Variants in PLXNA4 observed in about 807,000 individuals in gnomAD.
PLXNA4 encodes plexin-A4.
In PLXNA4, 44 loss-of-function variants were observed where a neutral mutation model predicts 191.8. The ratio of observed to expected loss-of-function variants is 0.23; its 90% CI spans 0.18 to 0.29. PLXNA4 has a LOEUF of 0.29. Ranked by LOEUF, PLXNA4 falls within the 10% of genes least tolerant of loss-of-function variation. The probability of loss-of-function intolerance (pLI) is 1.00; values close to 1 mark genes in which losing one functional copy is unlikely to be tolerated. For missense variants in PLXNA4, 1,800 were observed against 2,488.8 expected (o/e 0.72, Z 5.89); for synonymous variants, 1,082 against 1,009.5 (o/e 1.07, Z -1.36).
chr7:132,185,416 A>G lies in PLXNA4; in HGVS notation c.3041T>C (p.Val1014Ala). 6.2e-7 allele frequency: 1 copy of G among 1,614,044 alleles called. No individual in the cohort carries two copies. Among genetic ancestry groups the G allele is most frequent in the East Asian group, 2.2e-5 (1 of 44,870 alleles). The change falls in exon 16 of 32, where the codon GTG (valine) becomes GCG (alanine). Residue 1014 changes from valine (V) to alanine (A), a missense_variant. By Grantham distance (64) the Val-to-Ala change is moderately conservative. This residue lies in a region of PLXNA4 where 1,397 missense variants were observed against 1,880.4 expected (regional missense o/e 0.74). Coordinates refer to ENST00000321063, the MANE Select transcript of PLXNA4 (RefSeq NM_020911.2). ...IVCNTTSSDE[V>A]LEMKVSVQVD... is the part of the protein sequence containing the mutation. Reference sequence around the variant, plus strand: ...CTGCACCGACACCTTCATCTCTAGCACCTCATCTGAGGATGTGGTGTTGCA... The same window carrying G: ...CTGCACCGACACCTTCATCTCTAGCGCCTCATCTGAGGATGTGGTGTTGCA...
intron 3 of PLXNA4, among the ~76,000 whole-genome samples, chr7:132,339,963 A>G (rs538847380): frequency 6.6e-6 from 1 of 152,270 alleles, no homozygotes; most frequent in African/African-American, 2.4e-5. Context: ...CACACACAGC[A>G]TATAAAACAA....
At chr7:132,147,809 C>G in intron 27 of PLXNA4, 91 bp downstream of exon 27, 11 of 1,560,874 alleles carry the variant, frequency 7.0e-6, no homozygotes, top group Non-Finnish European at 9.6e-6. Context: ...CTCCCCTCTC[C>G]AAGAGTCTCC....
intron 1 of PLXNA4, among the ~76,000 whole-genome samples, chr7:132,536,730 C>T (rs1007883424): frequency 2.6e-5 from 4 of 152,178 alleles, no homozygotes; most frequent in African/African-American, 9.7e-5. Context: ...TATGCCTGGT[C>T]CAGCAGCTAT....
intron 3 of PLXNA4, among the ~76,000 whole-genome samples, chr7:132,335,551 G>A (rs559726780): frequency 1.1e-4 from 17 of 152,192 alleles, no homozygotes; most frequent in Admixed American, 9.8e-4. Flanking sequence ...CCCACCCCCG[G>A]CACCGGCCTT....
At chr7:132,522,945 T>C (rs1209791041) in intron 1 of PLXNA4, among the ~76,000 whole-genome samples, 3 of 151,874 alleles carry the variant, frequency 2.0e-5, no homozygotes, top group African/African-American at 7.3e-5. Flanking sequence ...TGATAGGCCT[T>C]GAAAACTTGT....
chr7:132,611,739 T>G (rs1803050029), intron 2 of PLXNA4, among the ~76,000 whole-genome samples: 1 of 152,188 alleles, frequency 6.6e-6, no homozygotes, highest in Non-Finnish European at 1.5e-5. Context: ...ATACCTGTAG[T>G]GAGAGAGAAC....
chr7:132,435,616 G>A (rs748131897), intron 3 of PLXNA4, among the ~76,000 whole-genome samples: 70 of 152,286 alleles, frequency 4.6e-4, no homozygotes, highest in Non-Finnish European at 9.0e-4. Context: ...AGATACAGCC[G>A]GACATCCGGG....
At position 132,380,771 on chromosome 7, in the gene PLXNA4, C is replaced by T. The variant is rs767916568; in HGVS notation, c.1372-82549G>A. Among the ~76,000 whole-genome samples the T allele has an allele frequency of 7.2e-5, 11 of 152,198 alleles. No individual in the cohort carries two copies. The East Asian group carries it at 7.7e-4, about 11-fold the overall frequency. The stretch of plus-strand genomic sequence containing the variant: ...TCACCCAAAGAACTTGCTAAAGCAC[C>T]GATTGCTGGTCCCCAAAACAGAGCA... On this transcript the variant is annotated intron_variant, in intron 3 of 31. Coordinates refer to ENST00000321063, the MANE Select transcript of PLXNA4 (RefSeq NM_020911.2).
chr7:132,479,895 T>C (rs1308237783), intron 3 of PLXNA4, among the ~76,000 whole-genome samples: 2 of 152,186 alleles, frequency 1.3e-5, no homozygotes, highest in African/African-American at 4.8e-5. Context: ...TGGCCTCAAG[T>C]GATCCACCCT....
intron 2 of PLXNA4, among the ~76,000 whole-genome samples, chr7:132,501,772 C>A (rs1380640337): frequency 6.6e-6 from 1 of 152,152 alleles, no homozygotes; most frequent in Non-Finnish European, 1.5e-5. Flanking sequence ...ATGTCAGGCA[C>A]CCAGTGCTAA....
At chr7:132,139,228 G>A (rs751247940) in intron 30 of PLXNA4, among the ~76,000 whole-genome samples, 19 of 151,110 alleles carry the variant, frequency 1.3e-4, no homozygotes, top group Non-Finnish European at 2.1e-4. Context: ...GCAGAGGGGA[G>A]AGGGAAAAAC....
intron 3 of PLXNA4, among the ~76,000 whole-genome samples, chr7:132,445,421 CCAT>C (rs2117270221): frequency 6.6e-6 from 1 of 151,376 alleles, no homozygotes; most frequent in African/African-American, 2.4e-5. Flanking sequence ...ACTCATCTGA[CCAT>C]CATCAGTGCC....
chr7:132,211,226 C>T, intron 9 of PLXNA4, 83 bp from the exon 10 acceptor site: 2 of 1,403,120 alleles, frequency 1.4e-6, no homozygotes, highest in South Asian at 2.6e-5. Context: ...CCGGATGTTC[C>T]CTGTCTCCAC....
Position 132,340,701 on chromosome 7 carries a change from CT to C in PLXNA4, c.1372-42480del, listed in dbSNP as rs1339670473. On this transcript the variant is annotated intron_variant, in intron 3 of 31. Transcript: ENST00000321063. ...CCATCCTGCAAGTCCAGTTTTCTGC[CT>C]AGGTTGTTTCTCATGCCCAGGCTAG... Among the ~76,000 whole-genome samples the C allele has an allele frequency of 8.5e-5, 13 of 152,290 alleles. No individual in the cohort carries two copies. The East Asian group carries it at 1.2e-3, about 14-fold the overall frequency.
At chr7:132,593,737 T>G (rs1367381306) in intron 2 of PLXNA4, among the ~76,000 whole-genome samples, 2 of 152,112 alleles carry the variant, frequency 1.3e-5, no homozygotes, top group Admixed American at 6.5e-5. Context: ...AGAAAGAGGG[T>G]CTGCCCTTTC....
chr7:132,186,675 A>C (rs1451514943), intron 15 of PLXNA4, among the ~76,000 whole-genome samples: 1 of 152,244 alleles, frequency 6.6e-6, no homozygotes, highest in Non-Finnish European at 1.5e-5. Flanking sequence ...AAATTATCAC[A>C]GTGCAAGTCT....
At chr7:132,316,789 G>T (rs1801960984) in intron 3 of PLXNA4, among the ~76,000 whole-genome samples, 1 of 152,164 alleles carries the variant, frequency 6.6e-6, no homozygotes, top group Admixed American at 6.5e-5. Context: ...TTAAATAAGG[G>T]ACTGGGGTCT....
At chr7:132,291,967 T>G (rs1481425510) in intron 4 of PLXNA4, among the ~76,000 whole-genome samples, 1 of 152,184 alleles carries the variant, frequency 6.6e-6, no homozygotes, top group African/African-American at 2.4e-5. Flanking sequence ...GCTAATGTTT[T>G]GTCTTTTTAG....
At chr7:132,422,469 T>C (rs1455072058) in intron 3 of PLXNA4, among the ~76,000 whole-genome samples, 3 of 152,178 alleles carry the variant, frequency 2.0e-5, no homozygotes, top group Admixed American at 2.0e-4. Context: ...AGATCAAAAG[T>C]ACGGCTGCCG....
Sources: allele counts gnomAD v4.1 joint callset (sites outside exome capture counted in the v4.1 genomes callset), GRCh38; gene constraint gnomAD v4.1.1; regional missense constraint gnomAD v4.1.1; transcripts MANE v1.5; gene names NCBI Gene and HGNC (gene_info 2026-07-23, HGNC 2026-07-21).